Variants in MARCHF1 observed in about 807,000 individuals in gnomAD.
MARCHF1 encodes membrane associated ring-CH-type finger 1.
MARCHF1 carries 40 observed loss-of-function variants against 54.2 expected under a neutral mutation model. That is an observed-to-expected ratio of 0.74 (90% CI 0.57 to 0.96). The LOEUF (loss-of-function observed/expected upper bound fraction) is 0.96. Ranked by LOEUF, MARCHF1 falls within the 40% of genes least tolerant of loss-of-function variation. The pLI is 0.00. For missense variants in MARCHF1, 586 were observed against 656.5 expected, an observed-to-expected ratio of 0.89 and a Z score of 1.17; for synonymous variants, 236 against 236.3, an observed-to-expected ratio of 1.00 and a Z score of 0.01.
At chr4:164,025,669 A>G (rs1029117949) in intron 2 of MARCHF1, among the ~76,000 whole-genome samples, 1 of 151,702 alleles carries the variant, frequency 6.6e-6, no homozygotes, top group African/African-American at 2.4e-5. Flanking sequence ...GAAACTAGAA[A>G]AAAAACAACA....
intron 1 of MARCHF1, among the ~76,000 whole-genome samples, chr4:164,314,702 T>C (rs1734952038): frequency 6.6e-6 from 1 of 152,188 alleles, no homozygotes. Flanking sequence ...TAAATATTTG[T>C]TAGGAATTTA....
At chr4:163,670,359 G>A (rs1743688831) in intron 5 of MARCHF1, among the ~76,000 whole-genome samples, 1 of 143,742 alleles carries the variant, frequency 7.0e-6, no homozygotes, top group Admixed American at 7.0e-5. Context: ...CCTAGAGTAG[G>A]ATCTATCTAT....
At chr4:164,375,025 C>T (rs1731147467) in intron 1 of MARCHF1, among the ~76,000 whole-genome samples, 1 of 152,094 alleles carries the variant, frequency 6.6e-6, no homozygotes, top group Admixed American at 6.5e-5. Context: ...GGAAATATAG[C>T]TCTAAGTGGA....
intron 2 of MARCHF1, among the ~76,000 whole-genome samples, chr4:164,072,815 G>A (rs1190596744): frequency 6.6e-6 from 1 of 151,942 alleles, no homozygotes; most frequent in Admixed American, 6.6e-5. Context: ...AAGGTTATTA[G>A]GTTATATTAG....
At chr4:163,750,584 C>G (rs906949582) in intron 4 of MARCHF1, among the ~76,000 whole-genome samples, 6 of 151,912 alleles carry the variant, frequency 3.9e-5, no homozygotes, top group Admixed American at 3.9e-4. Flanking sequence ...CCATAAGGCC[C>G]AGATGGCTTT....
intron 8 of MARCHF1, among the ~76,000 whole-genome samples, chr4:163,546,470 C>T (rs746761187): frequency 1.9e-4 from 29 of 152,120 alleles, no homozygotes; most frequent in Admixed American, 3.3e-4. Context: ...CTAGGTTATA[C>T]GTAGTAATAG....
intron 2 of MARCHF1, among the ~76,000 whole-genome samples, chr4:164,080,401 T>C (rs980252184): frequency 1.3e-5 from 2 of 152,230 alleles, no homozygotes; most frequent in African/African-American, 4.8e-5. Context: ...TAGATCTTTA[T>C]TGTACTTCCA....
intron 1 of MARCHF1, among the ~76,000 whole-genome samples, chr4:164,194,856 A>T (rs1731211697): frequency 6.6e-6 from 1 of 152,030 alleles, no homozygotes; most frequent in Non-Finnish European, 1.5e-5. Flanking sequence ...GGTTTGTTAC[A>T]TAGATATATA....
chr4:163,909,480 G>A (rs553884346), intron 3 of MARCHF1, among the ~76,000 whole-genome samples: 1 of 152,212 alleles, frequency 6.6e-6, no homozygotes, highest in African/African-American at 2.4e-5. Context: ...TATTTTCAAG[G>A]GAAAGAGAAA....
intron 2 of MARCHF1, among the ~76,000 whole-genome samples, chr4:164,100,954 C>T (rs972344928): frequency 1.1e-4 from 17 of 152,198 alleles, no homozygotes; most frequent in African/African-American, 2.7e-4. Context: ...ACTTGGGAAG[C>T]GCAAGAGGTC....
Position 163,525,777 on chromosome 4 carries a change from GAGC to G in MARCHF1, c.*2968_*2970del, listed in dbSNP as rs1188206933. On this transcript the variant is annotated 3_prime_UTR_variant, in exon 10 of 10. Transcript: ENST00000514618. ...CATGCCTCAAAATTTGCATTCCGTA[GAGC>G]AGTTTTTCTTTTTGAAGGGTATAGT... 6.6e-6 allele frequency: 1 copy of G among 151,554 alleles called. No homozygotes were observed. Among genetic ancestry groups the G allele is most frequent in the African/African-American group, 2.4e-5 (1 of 41,210 alleles). The allele number at this position is 151,554 out of a possible 1,614,324, so 9.4% of individuals were successfully genotyped here.
chr4:163,708,171 T>A (rs763411053), intron 4 of MARCHF1, among the ~76,000 whole-genome samples: 1 of 151,658 alleles, frequency 6.6e-6, no homozygotes, highest in Non-Finnish European at 1.5e-5. Flanking sequence ...TTGTACTCTT[T>A]TGAAGACCAG....
intron 7 of MARCHF1, among the ~76,000 whole-genome samples, chr4:163,610,396 T>A (rs931151704): frequency 1.3e-5 from 2 of 152,098 alleles, no homozygotes; most frequent in African/African-American, 2.4e-5. Flanking sequence ...TCACTTTCAT[T>A]AATAGAAGTC....
chr4:163,986,569 T>A (rs1752875965), intron 3 of MARCHF1, among the ~76,000 whole-genome samples: 1 of 152,082 alleles, frequency 6.6e-6, no homozygotes, highest in African/African-American at 2.4e-5. Context: ...CCGGCCAACT[T>A]CTTCTTTCTT....
chr4:164,042,994 G>T (rs2111023731), intron 2 of MARCHF1, among the ~76,000 whole-genome samples: 1 of 152,324 alleles, frequency 6.6e-6, no homozygotes, highest in African/African-American at 2.4e-5. Flanking sequence ...CTAAGGCCTT[G>T]GGAAGCTCTG....
intron 3 of MARCHF1, among the ~76,000 whole-genome samples, chr4:163,951,313 T>G (rs535382463): frequency 3.9e-5 from 6 of 152,362 alleles, no homozygotes; most frequent in African/African-American, 1.4e-4. Context: ...ATCTATGAAG[T>G]AGATTTGCTA....
At chr4:163,626,805 T>C (rs901429592) in intron 5 of MARCHF1, among the ~76,000 whole-genome samples, 1 of 152,040 alleles carries the variant, frequency 6.6e-6, no homozygotes, top group Non-Finnish European at 1.5e-5. Context: ...TGTGCTCCTG[T>C]AGTCTCAGCT....
At chr4:164,302,868 TAAAAAAAAAA>T (rs70952621) in intron 1 of MARCHF1, among the ~76,000 whole-genome samples, 6 of 114,244 alleles carry the variant, frequency 5.3e-5, no homozygotes, top group South Asian at 3.1e-4. Context: ...GAGACTGTCT[TAAAAAAAAAA>T]AAAAAAAAAA....
intron 1 of MARCHF1, among the ~76,000 whole-genome samples, chr4:164,314,701 G>A (rs1332925492): frequency 2.0e-5 from 3 of 152,050 alleles, no homozygotes; most frequent in Non-Finnish European, 4.4e-5. Flanking sequence ...ATAAATATTT[G>A]TTAGGAATTT....
Sources: allele counts gnomAD v4.1 joint callset (sites outside exome capture counted in the v4.1 genomes callset), GRCh38; gene constraint gnomAD v4.1.1; transcripts MANE v1.5; gene names NCBI Gene and HGNC (gene_info 2026-07-23, HGNC 2026-07-21).